The following TBC1D14 variants were observed in gnomAD, a reference collection of about 807,000 sequenced individuals.
TBC1D14 encodes the protein TBC1 domain family member 14.
In TBC1D14, 26 loss-of-function variants were observed where a neutral mutation model predicts 79.0. That is an observed-to-expected ratio of 0.33 (90% CI 0.24 to 0.46). The LOEUF is 0.46. Among genes scored for constraint, TBC1D14 ranks in the 20% least tolerant of loss-of-function variants. The pLI is 1.00. For missense variants in TBC1D14, 769 were observed against 887.6 expected (o/e 0.87, Z 1.70); for synonymous variants, 394 against 349.9 (o/e 1.13, Z -1.40).
At chr4:6,957,947 C>CTTT (rs10665611) in intron 2 of TBC1D14, among the ~76,000 whole-genome samples, 211 of 147,426 alleles carry the variant, frequency 1.4e-3, no homozygotes, top group South Asian at 3.6e-3. Context: ...GGAGTGCTGG[C>CTTT]TTTTTTTTTT....
At chr4:6,914,087 C>G (rs1419077290) in intron 1 of TBC1D14, among the ~76,000 whole-genome samples, 1 of 149,902 alleles carries the variant, frequency 6.7e-6, no homozygotes, top group Non-Finnish European at 1.5e-5. Context: ...TTGCAGTGAA[C>G]CAAGATCATA....
chr4:7,012,028 TG>T (rs1331271069), intron 11 of TBC1D14, among the ~76,000 whole-genome samples: 1 of 151,694 alleles, frequency 6.6e-6, no homozygotes, highest in African/African-American at 2.4e-5. Context: ...TGGCCGGGCA[TG>T]GTGGCTTACG....
intron 9 of TBC1D14, among the ~76,000 whole-genome samples, chr4:7,008,196 C>G (rs1720403745): frequency 6.6e-6 from 1 of 152,154 alleles, no homozygotes; most frequent in Non-Finnish European, 1.5e-5. Flanking sequence ...CCATATCCTA[C>G]CAGGTGGTGG....
chr4:7,001,530 A>T, intron 7 of TBC1D14: 1 of 356,086 alleles, frequency 2.8e-6, no homozygotes, highest in Non-Finnish European at 5.2e-6. Flanking sequence ...TCGCAGATCA[A>T]AGTCCTAGGA....
At chr4:6,999,331 T>A in intron 6 of TBC1D14, 129 bp downstream of exon 6, 2 of 810,270 alleles carry the variant, frequency 2.5e-6, no homozygotes, top group Admixed American at 2.0e-5. Context: ...ATCATCTTCC[T>A]TCCCTCTACC....
Position 7,032,072 on chromosome 4 carries a change from G to A in TBC1D14, c.*1680G>A, listed in dbSNP as rs957371123. 32 of 152,502 alleles carry A rather than the reference G, an allele frequency of 2.1e-4. No individual in the cohort carries two copies. Among genetic ancestry groups the A allele is most frequent in the African/African-American group, 7.7e-4 (32 of 41,418 alleles). 9.4% of individuals were successfully genotyped at this position (152,502 alleles called of 1,614,324 possible). ...TACATCTCAGCTGAATCTCCAGGGAGGCTGCAGAGCATCGTGGAGACCACT... is the reference window on the plus strand; with the variant it reads ...TACATCTCAGCTGAATCTCCAGGGAAGCTGCAGAGCATCGTGGAGACCACT... On this transcript the variant is annotated 3_prime_UTR_variant, in exon 14 of 14. Transcript: ENST00000409757.
chr4:6,971,782 A>G (rs1481053273), intron 3 of TBC1D14, among the ~76,000 whole-genome samples: 2 of 152,226 alleles, frequency 1.3e-5, no homozygotes, highest in African/African-American at 4.8e-5. Flanking sequence ...TTGTTTTAAC[A>G]GAAGCTACAG....
At chr4:6,977,746 A>G in intron 3 of TBC1D14, among the ~76,000 whole-genome samples, 1 of 55,060 alleles carries the variant, frequency 1.8e-5, no homozygotes, top group Non-Finnish European at 4.2e-5. Flanking sequence ...CATCCCATCT[A>G]GGAAGTGAGG....
chr4:6,994,152 A>C (rs1487817127), intron 3 of TBC1D14, 32 bp from the exon 4 acceptor site: 5 of 1,557,008 alleles, frequency 3.2e-6, no homozygotes, highest in Non-Finnish European at 4.4e-6. Flanking sequence ...ATCTGAAAGG[A>C]CCTGGAGTCA....
At chr4:6,972,989 G>C (rs796593191) in intron 3 of TBC1D14, among the ~76,000 whole-genome samples, 1 of 152,200 alleles carries the variant, frequency 6.6e-6, no homozygotes, top group African/African-American at 2.4e-5. Flanking sequence ...GATTGACGTC[G>C]TTGTTGGAAA....
intron 1 of TBC1D14, among the ~76,000 whole-genome samples, chr4:6,921,753 G>A (rs1298044661): frequency 1.4e-5 from 2 of 147,206 alleles, no homozygotes; most frequent in African/African-American, 2.5e-5. Flanking sequence ...CTGGAGTGCA[G>A]TGGCATGATC....
intron 9 of TBC1D14, among the ~76,000 whole-genome samples, chr4:7,008,561 C>T (rs1720438336): frequency 6.6e-6 from 1 of 152,180 alleles, no homozygotes; most frequent in African/African-American, 2.4e-5. Flanking sequence ...TACAGGCACC[C>T]ACCACCATGC....
At chr4:6,910,238 G>A (rs1057359493) in intron 1 of TBC1D14, 3 of 152,008 alleles carry the variant, frequency 2.0e-5, no homozygotes, top group African/African-American at 7.2e-5. Flanking sequence ...GCTCCTTTAC[G>A]GAACTTGACG....
At position 7,000,449 on chromosome 4, in the gene TBC1D14, A is replaced by G. The variant is rs536376875; in HGVS notation, c.1164-696A>G. Among the ~76,000 whole-genome samples, 9 of 152,308 alleles carry G rather than the reference A, an allele frequency of 5.9e-5. No homozygotes were observed. In the East Asian group the frequency reaches 1.7e-3, roughly 29 times the overall value. ...CAGAGAGGAGAGATCATTTGTCCGG[A>G]TTCCACAGGTAAGGATGGAGTTAGG... On this transcript the variant is annotated intron_variant, in intron 6 of 13. Transcript: ENST00000409757.
At chr4:6,998,359 A>T (rs1033299317) in intron 5 of TBC1D14, among the ~76,000 whole-genome samples, 5 of 125,252 alleles carry the variant, frequency 4.0e-5, no homozygotes, top group South Asian at 2.4e-4. Context: ...AACTCCGTCT[A>T]AAAAAAAAAA....
intron 3 of TBC1D14, among the ~76,000 whole-genome samples, chr4:6,971,269 G>A (rs1239679149): frequency 6.6e-6 from 1 of 152,226 alleles, no homozygotes; most frequent in Non-Finnish European, 1.5e-5. Context: ...TACACTAAGG[G>A]ATAATGCGCA....
At position 6,962,083 on chromosome 4, in the gene TBC1D14, C is replaced by T. The variant is rs1238900463; in HGVS notation, c.723-5221C>T. On this transcript the variant is annotated intron_variant, in intron 2 of 13. Coordinates refer to ENST00000409757, the MANE Select transcript of TBC1D14 (RefSeq NM_020773.3). ...TAGAAAGAAGAAATGGTTCTCCTCT[C>T]ATCTTTGCGGACGTTGTCAGGTCTC... 3.3e-5 allele frequency among the ~76,000 whole-genome samples: 5 copies of T among 152,192 alleles called. No individual in the cohort carries two copies. In the East Asian group the frequency reaches 9.6e-4, roughly 29 times the overall value.
At position 7,007,460 on chromosome 4, in the gene TBC1D14, G is replaced by A. The variant is rs530725018; in HGVS notation, c.1446+734G>A. On this transcript the variant is annotated intron_variant, in intron 9 of 13. Coordinates refer to ENST00000409757, the MANE Select transcript of TBC1D14 (RefSeq NM_020773.3). ...CTTATCTATAACGGGTTTTTGCGGGGGCAGTTGTTCTTGCAGAATACCTTT... is the reference window on the plus strand; with the variant it reads ...CTTATCTATAACGGGTTTTTGCGGGAGCAGTTGTTCTTGCAGAATACCTTT... 242 of 1,048,034 alleles carry A rather than the reference G, an allele frequency of 2.3e-4. 1 individual carries two copies. The highest frequency in any genetic ancestry group is 1.9e-3 in the African/African-American group (117 of 60,378). The allele number at this position is 1,048,034 out of a possible 1,614,324, so 64.9% of individuals were successfully genotyped here. A position where few individuals can be genotyped will look rare whatever the true frequency, so the allele number is the denominator to read the frequency against.
intron 5 of TBC1D14, chr4:6,996,970 A>T (rs1017501225): frequency 6.6e-6 from 1 of 152,274 alleles, no homozygotes; most frequent in Admixed American, 6.5e-5. Flanking sequence ...TCCTTGCAAC[A>T]CTTAAACTCT....
Sources: gnomAD v4.1 joint callset for allele counts (sites outside exome capture counted in the v4.1 genomes callset) on GRCh38, gnomAD v4.1.1 for gene constraint, MANE v1.5 for transcripts, NCBI Gene and HGNC (gene_info 2026-07-23, HGNC 2026-07-21) for gene names.